The following TBCK variants were observed in gnomAD, a reference collection of about 807,000 sequenced individuals.
TBCK encodes TBC domain-containing protein kinase-like protein.
In TBCK, 99 loss-of-function variants were observed where a neutral mutation model predicts 113.4. The ratio of observed to expected loss-of-function variants is 0.87; its 90% confidence interval spans 0.74 to 1.03. TBCK has a LOEUF of 1.03. TBCK is among the 50% of genes least tolerant of loss of function. The probability of loss-of-function intolerance (pLI) is 0.00; values close to 1 mark genes in which losing one functional copy is unlikely to be tolerated. For synonymous variants in TBCK, 369 were observed against 370.8 expected, an observed-to-expected ratio of 1.00 and a Z score of 0.05; for missense variants, 1,045 against 1,061.3, an observed-to-expected ratio of 0.98 and a Z score of 0.21.
At chr4:106,074,722 A>G (rs1477507195) in intron 25 of TBCK, among the ~76,000 whole-genome samples, 1 of 152,242 alleles carries the variant, frequency 6.6e-6, no homozygotes, top group Non-Finnish European at 1.5e-5. Flanking sequence ...TACAGGTGCT[A>G]TATAAGAGAA....
chr4:106,117,244 T>C (rs1290909103), intron 23 of TBCK, among the ~76,000 whole-genome samples: 1 of 152,244 alleles, frequency 6.6e-6, no homozygotes, highest in African/African-American at 2.4e-5. Flanking sequence ...TCTTTAAATA[T>C]AAACTACTGT....
At chr4:106,079,973 C>T (rs1738666598) in intron 25 of TBCK, among the ~76,000 whole-genome samples, 1 of 152,078 alleles carries the variant, frequency 6.6e-6, no homozygotes, top group African/African-American at 2.4e-5. Context: ...GAATAACAAG[C>T]AGAAAATCCA....
intron 24 of TBCK, among the ~76,000 whole-genome samples, chr4:106,097,296 CAG>C (rs1238087253): frequency 3.9e-5 from 6 of 152,082 alleles, no homozygotes; most frequent in African/African-American, 1.4e-4. Flanking sequence ...ACAAAAGAAA[CAG>C]AGTTTTAAAC....
chr4:106,297,360 T>C (rs1579554319), intron 2 of TBCK, among the ~76,000 whole-genome samples: 1 of 152,222 alleles, frequency 6.6e-6, no homozygotes, highest in East Asian at 1.9e-4. Context: ...TCCAGTCAAC[T>C]GCTCTAGCTA....
intron 5 of TBCK, among the ~76,000 whole-genome samples, chr4:106,252,642 T>C (rs1045415162): frequency 6.6e-6 from 1 of 152,128 alleles, no homozygotes; most frequent in African/African-American, 2.4e-5. Context: ...ATTTCATTGA[T>C]GTACTTAATT....
intron 25 of TBCK, among the ~76,000 whole-genome samples, chr4:106,089,340 C>A (rs1739918597): frequency 6.6e-6 from 1 of 152,142 alleles, no homozygotes; most frequent in Admixed American, 6.5e-5. Flanking sequence ...CCCCCATAAT[C>A]CAAACACCTC....
rs576695594 is a variant in TBCK at position 106,087,356 on chromosome 4, C to T, written c.2571+8126G>A. ...AAATCACTAAAACAGAATAAAATAC[C>T]TAGGAATACAGCTAACAAGGGATGT... is the stretch of plus-strand genomic sequence containing the variant. On this transcript the variant is annotated intron_variant, in intron 25 of 25. Coordinates refer to ENST00000394708, the MANE Select transcript of TBCK (RefSeq NM_001163435.3). Among the ~76,000 whole-genome samples, 4 of 152,158 alleles carry T rather than the reference C, an allele frequency of 2.6e-5. No individual in the cohort carries two copies. The East Asian group carries it at 7.7e-4, about 29-fold the overall frequency.
chr4:106,250,963 C>G (rs897700987), intron 6 of TBCK: 1 of 162,100 alleles, frequency 6.2e-6, no homozygotes, highest in African/African-American at 2.4e-5. Flanking sequence ...AGCCATCCTT[C>G]ATGCTCCTAC....
intron 22 of TBCK, among the ~76,000 whole-genome samples, chr4:106,180,758 C>G (rs1221474460): frequency 6.6e-6 from 1 of 152,150 alleles, no homozygotes; most frequent in African/African-American, 2.4e-5. Flanking sequence ...ATATGTGCCA[C>G]AATTTCTTAA....
chr4:106,150,620 A>G (rs1748364073), intron 23 of TBCK, among the ~76,000 whole-genome samples: 1 of 152,098 alleles, frequency 6.6e-6, no homozygotes, highest in South Asian at 2.1e-4. Context: ...ATTATTCAAT[A>G]CCAACTATAT....
intron 20 of TBCK, among the ~76,000 whole-genome samples, chr4:106,209,622 A>G (rs1419271189): frequency 6.6e-6 from 1 of 152,194 alleles, no homozygotes; most frequent in Non-Finnish European, 1.5e-5. Context: ...TTACTCAATC[A>G]GGACCATCAA....
chr4:106,220,756 G>A (rs570827929), intron 19 of TBCK, among the ~76,000 whole-genome samples: 7 of 152,228 alleles, frequency 4.6e-5, no homozygotes, highest in African/African-American at 1.4e-4. Context: ...AAGAGTTATA[G>A]ATCAAAGTGA....
intron 23 of TBCK, among the ~76,000 whole-genome samples, chr4:106,128,111 A>C (rs879832829): frequency 2.0e-5 from 3 of 152,236 alleles, no homozygotes; most frequent in Admixed American, 2.0e-4. Context: ...TTCAGGAATG[A>C]AAGATGATTC....
intron 23 of TBCK, among the ~76,000 whole-genome samples, chr4:106,153,815 G>A (rs186614657): frequency 4.0e-5 from 6 of 151,588 alleles, no homozygotes; most frequent in Non-Finnish European, 7.4e-5. Context: ...GACTTTCTTC[G>A]TCTCTTCTTA....
intron 2 of TBCK, among the ~76,000 whole-genome samples, chr4:106,299,075 T>C (rs1004361467): frequency 2.0e-5 from 3 of 152,198 alleles, no homozygotes; most frequent in African/African-American, 7.2e-5. Context: ...AGTGCATCAG[T>C]AGTTGCACAC....
At chr4:106,250,031 CTTGAG>C (rs1761255255) in intron 7 of TBCK, among the ~76,000 whole-genome samples, 2 of 152,110 alleles carry the variant, frequency 1.3e-5, no homozygotes, top group African/African-American at 4.8e-5. Context: ...CAATATTCTT[CTTGAG>C]TTGTTATTTG....
At chr4:106,111,567 G>A (rs946650796) in intron 24 of TBCK, among the ~76,000 whole-genome samples, 1 of 152,136 alleles carries the variant, frequency 6.6e-6, no homozygotes, top group Non-Finnish European at 1.5e-5. Context: ...TGTAAATCAA[G>A]CTTGGCTCCC....
Position 106,171,266 on chromosome 4 carries a change from A to T in TBCK, c.2064T>A (p.Ile688=). 3 of 1,598,228 alleles carry T rather than the reference A, an allele frequency of 1.9e-6. No homozygotes were observed. The highest frequency in any genetic ancestry group is 2.6e-6 in the Non-Finnish European group (3 of 1,174,746). The part of the protein sequence containing the change: ...CILLFSDLPE[I]DIERCVRESI... ...ATTCTCTCACACAGCGTTCAATGTC[A>T]ATTTCTAGATAGAAATGTTTTAAAA... Residue 688 remains isoleucine, a synonymous_variant, in exon 23 of 26, where the codon ATT becomes ATA. Coordinates refer to ENST00000394708, the MANE Select transcript of TBCK (RefSeq NM_001163435.3).
In TBCK at chr4:106,219,180, T is replaced by C. The variant is rs1257672720; in HGVS notation, c.1775-6345A>G. On this transcript the variant is annotated intron_variant, in intron 19 of 25. Coordinates refer to ENST00000394708, the MANE Select transcript of TBCK (RefSeq NM_001163435.3). ...GTGGGAATTGAACAATGAGATCACATGGACACAGGAAGGGGAACATCACAC... is the reference window on the plus strand; with the variant it reads ...GTGGGAATTGAACAATGAGATCACACGGACACAGGAAGGGGAACATCACAC... Among the ~76,000 whole-genome samples the C allele has an allele frequency of 4.7e-5, 6 of 128,786 alleles. No individual in the cohort carries two copies. The South Asian group carries it at 7.3e-4, about 16-fold the overall frequency. The allele number at this position is 128,786 out of a possible 152,430, so 84.5% of individuals were successfully genotyped here.
Sources: allele counts gnomAD v4.1 joint callset (sites outside exome capture counted in the v4.1 genomes callset), GRCh38; gene constraint gnomAD v4.1.1; transcripts MANE v1.5; gene names NCBI Gene and HGNC (gene_info 2026-07-23, HGNC 2026-07-21).